Variants in UBE2E3 observed in about 807,000 individuals in gnomAD.
The protein encoded by UBE2E3 is ubiquitin conjugating enzyme E2 E3.
A neutral mutation model predicts 23.6 loss-of-function variants in UBE2E3; 5 were observed. The ratio of observed to expected loss-of-function variants is 0.21; its 90% CI spans 0.11 to 0.44. UBE2E3 has a LOEUF of 0.44. Ranked by LOEUF, UBE2E3 falls within the 20% of genes least tolerant of loss-of-function variation. The pLI, the probability that UBE2E3 is intolerant of heterozygous loss-of-function variation, is 0.99. For missense variants in UBE2E3, 81 were observed against 249.8 expected (o/e 0.32, Z 4.55); for synonymous variants, 78 against 87.5 (o/e 0.89, Z 0.60).
intron 2 of UBE2E3, among the ~76,000 whole-genome samples, chr2:180,983,759 AATAG>A (rs1457430599): frequency 3.9e-5 from 6 of 152,212 alleles, no homozygotes; most frequent in Non-Finnish European, 4.4e-5. Flanking sequence ...AGTGTTTTGA[AATAG>A]ATATTATATT....
At chr2:181,024,617 C>G (rs1265916352) in intron 3 of UBE2E3, among the ~76,000 whole-genome samples, 1 of 151,988 alleles carries the variant, frequency 6.6e-6, no homozygotes, top group Admixed American at 6.6e-5. Flanking sequence ...GAATCTGTTA[C>G]AGTAATCTAT....
At chr2:181,056,256 G>A (rs923416516) in intron 3 of UBE2E3, among the ~76,000 whole-genome samples, 2 of 151,710 alleles carry the variant, frequency 1.3e-5, no homozygotes, top group Non-Finnish European at 2.9e-5. Flanking sequence ...CTGTACATAC[G>A]TACAGGCAGG....
At chr2:180,999,033 A>G (rs1281318122) in intron 3 of UBE2E3, among the ~76,000 whole-genome samples, 1 of 152,196 alleles carries the variant, frequency 6.6e-6, no homozygotes, top group East Asian at 1.9e-4. Context: ...ATAAGAAAAG[A>G]TGGGAAGCTA....
At chr2:181,057,286 T>A (rs1363682358) in intron 3 of UBE2E3, among the ~76,000 whole-genome samples, 1 of 151,784 alleles carries the variant, frequency 6.6e-6, no homozygotes, top group Admixed American at 6.6e-5. Flanking sequence ...TATAGGAGAT[T>A]GTTTTTAGGA....
intron 3 of UBE2E3, among the ~76,000 whole-genome samples, chr2:181,041,480 G>A (rs371549264): frequency 9.3e-5 from 14 of 150,870 alleles, no homozygotes; most frequent in African/African-American, 2.9e-4. Context: ...TCTCTCCGTC[G>A]CCCAGGCTAG....
At chr2:181,052,956 CTG>C (rs1344782096) in intron 3 of UBE2E3, among the ~76,000 whole-genome samples, 2 of 151,840 alleles carry the variant, frequency 1.3e-5, no homozygotes, top group Non-Finnish European at 2.9e-5. Context: ...ATGTGCCTCT[CTG>C]TGCACAGGAC....
At chr2:180,987,496 C>T in intron 3 of UBE2E3, 1 of 1,326,054 alleles carries the variant, frequency 7.5e-7, no homozygotes, top group Non-Finnish European at 1.0e-6. Flanking sequence ...TGAATCTATA[C>T]TGGAGATATT....
At chr2:181,059,598 A>G (rs937553788) in intron 4 of UBE2E3, among the ~76,000 whole-genome samples, 1 of 151,704 alleles carries the variant, frequency 6.6e-6, no homozygotes, top group Admixed American at 6.6e-5. Flanking sequence ...GAAATCTTAC[A>G]CATTTTCTTT....
intron 3 of UBE2E3, among the ~76,000 whole-genome samples, chr2:180,995,530 C>G (rs1212190627): frequency 6.6e-6 from 1 of 152,058 alleles, no homozygotes; most frequent in African/African-American, 2.4e-5. Context: ...AGAAGTTATA[C>G]TCAGGTTTTT....
intron 3 of UBE2E3, among the ~76,000 whole-genome samples, chr2:180,988,473 AATATT>A (rs1684550002): frequency 6.6e-6 from 1 of 152,202 alleles, no homozygotes; most frequent in African/African-American, 2.4e-5. Context: ...TTCAATAGAG[AATATT>A]ATGATTGTCC....
chr2:181,057,785 A>T lies in UBE2E3; in HGVS notation c.338A>T (p.Asp113Val). The T allele has an allele frequency of 1.2e-6, 2 of 1,611,498 alleles. No homozygotes were observed. The highest frequency in any genetic ancestry group is 1.7e-6 in the Non-Finnish European group (2 of 1,178,472). ...TATGAAGGTGGTGTGTTTTTTCTGG[A>T]TATCACATTTTCATCAGATTATCCA... is the stretch of plus-strand genomic sequence containing the variant. Reference protein sequence around the residue: ...SVYEGGVFFLDITFSSDYPFK... With the variant: ...SVYEGGVFFLVITFSSDYPFK... The change falls in exon 4 of 6, where the codon GAT becomes GTT. Residue 113 changes from aspartate to valine, a missense_variant. Coordinates refer to ENST00000410062, the MANE Select transcript of UBE2E3 (RefSeq NM_006357.4).
intron 3 of UBE2E3, among the ~76,000 whole-genome samples, chr2:181,030,973 C>T (rs141737397): frequency 1.2e-3 from 190 of 152,124 alleles, no homozygotes; most frequent in Admixed American, 2.9e-3. Context: ...TATACTATTA[C>T]GTTTGTTACC....
chr2:180,989,151 A>G (rs963033576), intron 3 of UBE2E3, among the ~76,000 whole-genome samples: 1 of 152,128 alleles, frequency 6.6e-6, no homozygotes, highest in Admixed American at 6.5e-5. Context: ...ATAATTTTAA[A>G]TGGTTTATGA....
Position 181,017,481 on chromosome 2 carries a change from C to T in UBE2E3, c.245+33388C>T, listed in dbSNP as rs144342312. ...CACTTTTTCTTCTGAAACTGGACTA[C>T]GAATGTGACAATTCTGAGCAGTTTT... On this transcript the variant is annotated intron_variant, in intron 3 of 5. Coordinates refer to ENST00000410062, the MANE Select transcript of UBE2E3 (RefSeq NM_006357.4). Among the ~76,000 whole-genome samples, 11 of 152,080 alleles carry T rather than the reference C, an allele frequency of 7.2e-5. No homozygotes were observed. In the East Asian group the frequency reaches 2.1e-3, roughly 30 times the overall value.
chr2:181,045,990 G>A (rs78593095), intron 3 of UBE2E3, among the ~76,000 whole-genome samples: 1,920 of 152,180 alleles, frequency 0.013, 35 homozygotes, highest in Middle Eastern at 0.034. Flanking sequence ...TATTTTATGT[G>A]GATAATTTTG....
intron 3 of UBE2E3, among the ~76,000 whole-genome samples, chr2:181,017,252 G>A (rs1337624497): frequency 2.6e-5 from 4 of 152,152 alleles, no homozygotes; most frequent in Non-Finnish European, 5.9e-5. Context: ...GGGATACAGT[G>A]GTCAAGACTC....
rs906657087 is a variant in UBE2E3 at position 180,983,945 on chromosome 2, C to G, written c.195-98C>G. The G allele has an allele frequency of 9.9e-6, 9 of 908,490 alleles. No homozygotes were observed. In the African/African-American group the frequency reaches 1.3e-4, roughly 13 times the overall value. The allele number at this position is 908,490 out of a possible 1,614,324, so 56.3% of individuals were successfully genotyped here. On this transcript the variant is annotated intron_variant, in intron 2 of 5. Coordinates refer to ENST00000410062, the MANE Select transcript of UBE2E3 (RefSeq NM_006357.4). ...TAGCATTACTGAAGGCAGAGCCAGC[C>G]TTGCATTTAACTGCATGGTGGTAGA... is the stretch of plus-strand genomic sequence containing the variant.
intron 3 of UBE2E3, among the ~76,000 whole-genome samples, chr2:180,988,046 A>G (rs867694442): frequency 1.3e-5 from 2 of 152,186 alleles, no homozygotes; most frequent in Admixed American, 6.5e-5. Context: ...ACATTTTGGA[A>G]TATTTCGGTT....
chr2:181,009,794 TA>T (rs1685262531), intron 3 of UBE2E3, among the ~76,000 whole-genome samples: 1 of 152,138 alleles, frequency 6.6e-6, no homozygotes, highest in Admixed American at 6.5e-5. Context: ...TGTACTATTT[TA>T]TGGATTTGTT....
Sources: allele counts gnomAD v4.1 joint callset (sites outside exome capture counted in the v4.1 genomes callset), GRCh38; gene constraint gnomAD v4.1.1; transcripts MANE v1.5; gene names NCBI Gene and HGNC (gene_info 2026-07-23, HGNC 2026-07-21).